Variants in GPHN observed in about 807,000 individuals in gnomAD.
GPHN encodes the protein gephyrin.
GPHN carries 17 observed loss-of-function variants against 95.5 expected under a neutral mutation model. That is an observed-to-expected ratio of 0.18 (90% CI 0.12 to 0.27). The LOEUF is 0.27. GPHN is among the 10% of genes least tolerant of loss of function. The pLI, the probability that GPHN is intolerant of heterozygous loss-of-function variation, is 1.00. For synonymous variants in GPHN, 320 were observed against 322.5 expected, an observed-to-expected ratio of 0.99 and a Z score of 0.08; for missense variants, 660 against 978.1, an observed-to-expected ratio of 0.67 and a Z score of 4.34.
intron 2 of GPHN, among the ~76,000 whole-genome samples, chr14:66,737,819 C>T (rs1340395712): frequency 6.6e-6 from 1 of 152,174 alleles, no homozygotes; most frequent in African/African-American, 2.4e-5. Flanking sequence ...TATATTCACA[C>T]TTTTTAGATG....
At chr14:66,582,630 C>T (rs1484279652) in intron 1 of GPHN, among the ~76,000 whole-genome samples, 1 of 151,540 alleles carries the variant, frequency 6.6e-6, no homozygotes, top group Non-Finnish European at 1.5e-5. Flanking sequence ...TGAGAACATG[C>T]AGTGTTTGGT....
the GPHN span, chr14:67,364,623 A>T: frequency 1.3e-6 from 1 of 777,506 alleles, no homozygotes; most frequent in Non-Finnish European, 2.0e-6. Flanking sequence ...GGTACCACTT[A>T]AGAAGTTTCA....
chr14:66,898,397 G>A (rs142041938), intron 5 of GPHN, among the ~76,000 whole-genome samples: 2 of 140,608 alleles, frequency 1.4e-5, no homozygotes, highest in African/African-American at 5.3e-5. Context: ...TTAGGTTGAG[G>A]TGTTTTTTCG....
rs762739030 is a variant in GPHN at position 67,058,627 on chromosome 14, A to T, written c.1007-22A>T. The stretch of plus-strand genomic sequence containing the variant: ...ATCAGTGTTACAGCATCATATTCTT[A>T]GTTAATTATCTTACTGTTTAGGTCA... On this transcript the variant is annotated intron_variant, in intron 10 of 22. Transcript: ENST00000478722. 17 of 1,603,426 alleles carry T rather than the reference A, an allele frequency of 1.1e-5. No homozygotes were observed. In the East Asian group the frequency reaches 3.8e-4, roughly 36 times the overall value.
intron 10 of GPHN, among the ~76,000 whole-genome samples, chr14:67,056,781 A>C (rs1594964007): frequency 7.1e-6 from 1 of 140,780 alleles, no homozygotes; most frequent in Non-Finnish European, 1.5e-5. Context: ...AGGGGGTGGC[A>C]CCTGTCGTGG....
the GPHN span, among the ~76,000 whole-genome samples, chr14:67,328,244 A>C: frequency 6.6e-6 from 1 of 152,076 alleles, no homozygotes; most frequent in Non-Finnish European, 1.5e-5. Context: ...GATGATGAGC[A>C]TTTTTTCATG....
intron 2 of GPHN, among the ~76,000 whole-genome samples, chr14:66,689,222 T>C (rs2067606843): frequency 6.6e-6 from 1 of 152,232 alleles, no homozygotes; most frequent in African/African-American, 2.4e-5. Flanking sequence ...CTTCTGTATC[T>C]AACTTGGTGA....
chr14:67,195,008 G>A, the GPHN span, among the ~76,000 whole-genome samples: 1 of 152,156 alleles, frequency 6.6e-6, no homozygotes, highest in Non-Finnish European at 1.5e-5. Flanking sequence ...CCCAAGCCTG[G>A]ACTAATTAAC....
At chr14:66,851,249 A>G (rs926473330) in intron 4 of GPHN, among the ~76,000 whole-genome samples, 4 of 152,016 alleles carry the variant, frequency 2.6e-5, no homozygotes, top group Admixed American at 2.6e-4. Flanking sequence ...AAACCAGAAT[A>G]TTATCAGTGT....
chr14:67,123,219 G>A (rs2079109500), intron 17 of GPHN, among the ~76,000 whole-genome samples: 1 of 152,110 alleles, frequency 6.6e-6, no homozygotes, highest in Admixed American at 6.5e-5. Flanking sequence ...CCTCATCACT[G>A]TGTAGACCTC....
chr14:66,839,804 GT>G (rs11349835), intron 4 of GPHN, among the ~76,000 whole-genome samples: 48,741 of 151,924 alleles, frequency 0.32, 12,345 homozygotes, highest in African/African-American at 0.68. Context: ...TTTGATATAA[GT>G]TTCCATTTAT....
chr14:66,807,707 A>G (rs941322264), intron 3 of GPHN, among the ~76,000 whole-genome samples: 5 of 152,232 alleles, frequency 3.3e-5, no homozygotes, highest in African/African-American at 1.2e-4. Context: ...TTTGAGCTTT[A>G]TATCAACAGA....
intron 19 of GPHN, among the ~76,000 whole-genome samples, 199 bp downstream of exon 19, chr14:67,159,687 T>A (rs527643096): frequency 1.3e-5 from 2 of 152,332 alleles, no homozygotes; most frequent in South Asian, 4.1e-4. Flanking sequence ...TCAATGAGTT[T>A]GGTATAAACA....
chr14:66,552,575 G>A (rs2059852946), intron 1 of GPHN, among the ~76,000 whole-genome samples: 1 of 152,144 alleles, frequency 6.6e-6, no homozygotes. Flanking sequence ...TTGGTCTGAA[G>A]AACACTCTTC....
chr14:66,635,793 C>CA, intron 1 of GPHN, among the ~76,000 whole-genome samples: 1 of 151,910 alleles, frequency 6.6e-6, no homozygotes, highest in South Asian at 2.1e-4. Context: ...GGGAAACACT[C>CA]AAAGAAAAAA....
intron 1 of GPHN, among the ~76,000 whole-genome samples, chr14:66,645,354 A>T (rs1016574957): frequency 5.8e-4 from 88 of 152,136 alleles, no homozygotes; most frequent in African/African-American, 2.1e-3. Flanking sequence ...AATACATCAC[A>T]ACAACATCTC....
chr14:67,151,085 G>A (rs1008180146), intron 18 of GPHN, among the ~76,000 whole-genome samples: 11 of 152,092 alleles, frequency 7.2e-5, no homozygotes, highest in African/African-American at 2.7e-4. Flanking sequence ...TTTAAGAGAC[G>A]ATATAATTTA....
intron 1 of GPHN, among the ~76,000 whole-genome samples, chr14:66,611,348 A>C (rs919585150): frequency 1.3e-5 from 2 of 152,122 alleles, no homozygotes; most frequent in African/African-American, 2.4e-5. Context: ...GGAACAAAGA[A>C]ATTTATTAGA....
intron 3 of GPHN, among the ~76,000 whole-genome samples, chr14:66,816,941 T>G (rs2060994243): frequency 6.6e-6 from 1 of 152,154 alleles, no homozygotes; most frequent in South Asian, 2.1e-4. Context: ...GTTTTTCTGT[T>G]TGATGAGTTG....
Sources: gnomAD v4.1 joint callset for allele counts (sites outside exome capture counted in the v4.1 genomes callset) on GRCh38, gnomAD v4.1.1 for gene constraint, MANE v1.5 for transcripts, NCBI Gene and HGNC (gene_info 2026-07-23, HGNC 2026-07-21) for gene names.